The following SERPINA5 variants were observed in gnomAD, a reference collection of about 807,000 sequenced individuals.
SERPINA5 encodes the protein plasma serine protease inhibitor.
A neutral mutation model predicts 25.3 loss-of-function variants in SERPINA5; 25 were observed. The ratio of observed to expected loss-of-function variants is 0.99; its 90% confidence interval spans 0.72 to 1.38. The LOEUF (loss-of-function observed/expected upper bound fraction) is 1.38, where lower values mean the gene tolerates loss of function less well. Ranked by LOEUF, SERPINA5 falls within the 40% of genes most tolerant of loss-of-function variation. The pLI is 0.00. For missense variants in SERPINA5, 599 were observed against 509.5 expected (o/e 1.18, Z -1.69); for synonymous variants, 234 against 206.2 (o/e 1.14, Z -1.16).
Position 94,592,944 on chromosome 14 carries a change from G to A in SERPINA5, c.*705G>A, listed in dbSNP as rs1885350873. 6.6e-6 allele frequency: 1 copy of A among 152,122 alleles called. No homozygotes were observed. Among genetic ancestry groups the A allele is most frequent in the African/African-American group, 2.4e-5 (1 of 41,404 alleles). The allele number at this position is 152,122 out of a possible 1,614,324, so 9.4% of individuals were successfully genotyped here. A position where few individuals can be genotyped will look rare whatever the true frequency, so the allele number is the denominator to read the frequency against. On this transcript the variant is annotated 3_prime_UTR_variant, in exon 6 of 6. Coordinates refer to ENST00000329597, the MANE Select transcript of SERPINA5 (RefSeq NM_000624.6). ...ACATCTGGATATCAAGGTGGAAATG[G>A]CCCATTTAATGATTGATTATATCAT...
chr14:94,589,916 C>T (rs932826297), intron 3 of SERPINA5, 125 bp from the exon 4 acceptor site: 1 of 885,134 alleles, frequency 1.1e-6, no homozygotes, highest in Non-Finnish European at 1.7e-6. Flanking sequence ...AGTCACTGCT[C>T]TGGGGCTGCC....
chr14:94,589,139 C>T lies in SERPINA5; in HGVS notation c.620-902C>T, dbSNP rs557043547. 1.8e-4 allele frequency among the ~76,000 whole-genome samples: 27 copies of T among 152,282 alleles called. No individual in the cohort carries two copies. In the South Asian group the frequency reaches 3.1e-3, roughly 18 times the overall value. ...GACGGTATTGACTGGGGTCTTCCTT[C>T]GATAACGATTAAGAAGTTGGAAACA... is the stretch of plus-strand genomic sequence containing the variant. On this transcript the variant is annotated intron_variant, in intron 3 of 5. Transcript: ENST00000329597.
intron 2 of SERPINA5, among the ~76,000 whole-genome samples, chr14:94,584,657 T>C (rs1183886005): frequency 1.3e-5 from 2 of 152,078 alleles, no homozygotes; most frequent in African/African-American, 4.8e-5. Flanking sequence ...AGTAGCTGAA[T>C]AGATGGGAGA....
At chr14:94,584,430 C>T (rs1467821558) in intron 2 of SERPINA5, among the ~76,000 whole-genome samples, 11 of 152,034 alleles carry the variant, frequency 7.2e-5, no homozygotes, top group Non-Finnish European at 1.2e-4. Flanking sequence ...ATTTCTGGGT[C>T]TCAAACATGT....
intron 3 of SERPINA5, among the ~76,000 whole-genome samples, chr14:94,588,619 G>A (rs999296472): frequency 6.6e-6 from 1 of 152,184 alleles, no homozygotes; most frequent in African/African-American, 2.4e-5. Context: ...GGTTGCGAAG[G>A]AAGGTAAATT....
chr14:94,584,664 G>A (rs1017308715), intron 2 of SERPINA5, among the ~76,000 whole-genome samples: 9 of 152,172 alleles, frequency 5.9e-5, no homozygotes, highest in African/African-American at 2.2e-4. Flanking sequence ...GAATAGATGG[G>A]AGAATGGAGG....
rs77614165 is a variant in SERPINA5, at chr14:94,588,477, C to T, written c.619+496C>T. Reference sequence around the variant, plus strand: ...CCTCCTCCTGACTCCTCAGCAAGAGCTGACCTCTGCTTATCTCCCCGACAC... The same window carrying T: ...CCTCCTCCTGACTCCTCAGCAAGAGTTGACCTCTGCTTATCTCCCCGACAC... On this transcript the variant is annotated intron_variant, in intron 3 of 5. Coordinates refer to ENST00000329597, the MANE Select transcript of SERPINA5 (RefSeq NM_000624.6). 4.4e-3 allele frequency among the ~76,000 whole-genome samples: 664 copies of T among 152,288 alleles called. 7 individuals carry two copies. Among genetic ancestry groups the T allele is most frequent in the African/African-American group, 0.016 (647 of 41,550 alleles).
intron 4 of SERPINA5, 33 bp downstream of exon 4, chr14:94,590,344 C>T: frequency 1.3e-6 from 2 of 1,555,630 alleles, no homozygotes; most frequent in African/African-American, 1.4e-5. Context: ...CCAGCCTAAA[C>T]CCACACAGCC....
At chr14:94,591,978 T>G (rs1019376748) in intron 5 of SERPINA5, 79 bp from the exon 6 acceptor site, 40 of 1,477,690 alleles carry the variant, frequency 2.7e-5, no homozygotes, top group Non-Finnish European at 3.7e-5. Context: ...TTGATGCCCA[T>G]AGGCAGAAGC....
intron 4 of SERPINA5, 26 bp downstream of exon 4, chr14:94,590,337 G>T: frequency 6.4e-7 from 1 of 1,561,818 alleles, no homozygotes; most frequent in Non-Finnish European, 8.7e-7. Context: ...CCCAGGGCCA[G>T]CCTAAACCCA....
intron 2 of SERPINA5, among the ~76,000 whole-genome samples, chr14:94,582,761 C>T (rs776336561): frequency 3.9e-5 from 6 of 151,932 alleles, no homozygotes; most frequent in Admixed American, 1.3e-4. Flanking sequence ...AGAGAGAGGC[C>T]GGAATGAAAA....
chr14:94,583,144 A>G (rs985258926), intron 2 of SERPINA5, among the ~76,000 whole-genome samples: 1 of 152,220 alleles, frequency 6.6e-6, no homozygotes, highest in African/African-American at 2.4e-5. Context: ...GCACAAATCA[A>G]AGTTTAGCAT....
intron 4 of SERPINA5, 153 bp from the exon 5 acceptor site, chr14:94,590,596 C>T (rs987190085): frequency 1.1e-6 from 1 of 930,464 alleles, no homozygotes; most frequent in African/African-American, 1.7e-5. Context: ...GAAAAGAGGC[C>T]AGAGGAGCCA....
rs1885322198 is a variant in SERPINA5, at chr14:94,592,069, G to A, written c.1051G>A (p.Ala351Thr). 3.7e-6 allele frequency: 6 copies of A among 1,612,992 alleles called. No homozygotes were observed. The highest frequency in any genetic ancestry group is 5.1e-6 in the Non-Finnish European group (6 of 1,179,464). ...GTCTCCCCTGCAGATGGTGCACAAA[G>A]CTGTGGTGGAGGTGGACGAGTCGGG... is the stretch of plus-strand genomic sequence containing the variant. The part of the protein sequence containing the change: ...NIQVSEMVHK[A>T]VVEVDESGTR... The change falls in exon 6 of 6, where the codon GCT becomes ACT. Residue 351 changes from alanine to threonine, a missense_variant. Coordinates refer to ENST00000329597, the MANE Select transcript of SERPINA5 (RefSeq NM_000624.6).
intron 2 of SERPINA5, chr14:94,587,076 G>C (rs766813960): frequency 2.4e-6 from 1 of 409,184 alleles, no homozygotes; most frequent in Non-Finnish European, 4.4e-6. Context: ...GATGTGGATG[G>C]GTAGACAGGA....
At chr14:94,591,973 G>T in intron 5 of SERPINA5, 84 bp from the exon 6 acceptor site, 1 of 1,425,992 alleles carries the variant, frequency 7.0e-7, no homozygotes, top group Non-Finnish European at 9.6e-7. Context: ...AGAGGTTGAT[G>T]CCCATAGGCA....
At chr14:94,586,638 G>A (rs1258782324) in intron 2 of SERPINA5, among the ~76,000 whole-genome samples, 1 of 152,270 alleles carries the variant, frequency 6.6e-6, no homozygotes, top group African/African-American at 2.4e-5. Flanking sequence ...TATGCATTTT[G>A]GGGGCACAAT....
chr14:94,588,100 C>T, intron 3 of SERPINA5, 119 bp downstream of exon 3: 1 of 1,316,380 alleles, frequency 7.6e-7, no homozygotes, highest in South Asian at 1.4e-5. Context: ...CTTTTGGGTG[C>T]CTGTTGAGAA....
chr14:94,587,653 C>T lies in SERPINA5; in HGVS notation c.291C>T (p.Leu97=). ...TKMQILEGLG[L]NLQKSSEKEL... The stretch of plus-strand genomic sequence containing the variant: ...TGCAGATCCTGGAGGGCCTGGGCCT[C>T]AACCTCCAGAAAAGCTCAGAGAAGG... Residue 97 remains leucine (L), a synonymous_variant, in exon 3 of 6, where the codon CTC becomes CTT. Transcript: ENST00000329597. 1 of 1,614,084 alleles carries T rather than the reference C, an allele frequency of 6.2e-7. No homozygotes were observed.
Sources: gnomAD v4.1 joint callset for allele counts (sites outside exome capture counted in the v4.1 genomes callset) on GRCh38, gnomAD v4.1.1 for gene constraint, MANE v1.5 for transcripts, NCBI Gene and HGNC (gene_info 2026-07-23, HGNC 2026-07-21) for gene names.